Variants in MAPK10 observed in about 807,000 individuals in gnomAD.
The protein encoded by MAPK10 is mitogen-activated protein kinase 10.
A neutral mutation model predicts 59.3 loss-of-function variants in MAPK10; 25 were observed. The ratio of observed to expected loss-of-function variants is 0.42; its 90% CI spans 0.31 to 0.59. The LOEUF (loss-of-function observed/expected upper bound fraction) is 0.59. Ranked by LOEUF, MAPK10 falls within the 20% of genes least tolerant of loss-of-function variation. The probability of loss-of-function intolerance (pLI) is 0.15; values close to 1 mark genes in which losing one functional copy is unlikely to be tolerated. For synonymous variants in MAPK10, 190 were observed against 200.5 expected, an observed-to-expected ratio of 0.95 and a Z score of 0.44; for missense variants, 351 against 568.9, an observed-to-expected ratio of 0.62 and a Z score of 3.90.
chr4:86,242,465 G>T (rs372876266), intron 2 of MAPK10, among the ~76,000 whole-genome samples: 1 of 152,206 alleles, frequency 6.6e-6, no homozygotes, highest in Non-Finnish European at 1.5e-5. Context: ...GGCTAAGTCT[G>T]CTGCAGAGAC....
chr4:86,025,949 T>C (rs1427867196), intron 13 of MAPK10, among the ~76,000 whole-genome samples: 1 of 152,252 alleles, frequency 6.6e-6, no homozygotes, highest in Non-Finnish European at 1.5e-5. Context: ...GTGTCTTTTT[T>C]ATCTACATGA....
At chr4:86,350,608 C>T (rs1168512997) in intron 2 of MAPK10, among the ~76,000 whole-genome samples, 2 of 152,172 alleles carry the variant, frequency 1.3e-5, no homozygotes, top group Admixed American at 1.3e-4. Context: ...CTTGACCTCC[C>T]AAAGTGCTGG....
upstream of MAPK10, among the ~76,000 whole-genome samples, chr4:86,360,863 T>C (rs1392886277): frequency 1.3e-5 from 2 of 152,260 alleles, no homozygotes; most frequent in African/African-American, 4.8e-5. Flanking sequence ...CTACTTGCAC[T>C]ATAAAAAAAA....
intron 11 of MAPK10, among the ~76,000 whole-genome samples, chr4:86,048,945 T>G (rs1183849966): frequency 1.3e-5 from 2 of 152,100 alleles, no homozygotes; most frequent in Admixed American, 6.6e-5. Context: ...GGTTCTAGGT[T>G]AATGAAGTCT....
intron 1 of MAPK10, among the ~76,000 whole-genome samples, chr4:86,441,550 CT>C (rs753649667): frequency 5.9e-5 from 9 of 152,176 alleles, no homozygotes; most frequent in Non-Finnish European, 1.2e-4. Context: ...GTTCATATGA[CT>C]GTGTAGAATT....
chr4:86,417,964 C>T (rs903270371), intron 1 of MAPK10, among the ~76,000 whole-genome samples: 3 of 152,198 alleles, frequency 2.0e-5, no homozygotes, highest in African/African-American at 4.8e-5. Flanking sequence ...TTGTTTCAGA[C>T]GGCCTTCTTA....
chr4:86,104,138 T>A (rs546430332), intron 5 of MAPK10, among the ~76,000 whole-genome samples: 1 of 152,208 alleles, frequency 6.6e-6, no homozygotes. Context: ...ATAAATGATA[T>A]AAAGACATGT....
chr4:86,562,163 C>T (rs1578123379), intron 1 of MAPK10, among the ~76,000 whole-genome samples: 1 of 152,160 alleles, frequency 6.6e-6, no homozygotes, highest in East Asian at 1.9e-4. Flanking sequence ...CAAGACCAGC[C>T]TTGGCAACAT....
chr4:86,037,671 A>C (rs1006480894), intron 11 of MAPK10, among the ~76,000 whole-genome samples: 7 of 152,192 alleles, frequency 4.6e-5, no homozygotes, highest in Non-Finnish European at 7.3e-5. Flanking sequence ...TTTCAACAGC[A>C]TTATAGGATA....
At chr4:86,397,145 T>A (rs1382817524) in intron 1 of MAPK10, among the ~76,000 whole-genome samples, 1 of 152,060 alleles carries the variant, frequency 6.6e-6, no homozygotes, top group African/African-American at 2.4e-5. Context: ...TGGAAACAGA[T>A]CAGGAAAGAA....
intron 3 of MAPK10, among the ~76,000 whole-genome samples, chr4:86,174,285 A>T (rs1394206558): frequency 4.6e-5 from 7 of 152,266 alleles, no homozygotes; most frequent in African/African-American, 1.7e-4. Context: ...AATACTACGC[A>T]GTCGTAAAGA....
chr4:86,236,532 C>A (rs2148675024), intron 2 of MAPK10, among the ~76,000 whole-genome samples: 1 of 152,234 alleles, frequency 6.6e-6, no homozygotes, highest in Non-Finnish European at 1.5e-5. Flanking sequence ...CAAAACAAAC[C>A]ACAGAAGGGT....
intron 1 of MAPK10, among the ~76,000 whole-genome samples, chr4:86,366,104 T>A (rs1442625075): frequency 6.6e-6 from 1 of 152,138 alleles, no homozygotes; most frequent in African/African-American, 2.4e-5. Flanking sequence ...ACAATACAGA[T>A]GAATCTCGAA....
rs767900085 is a variant in MAPK10, at chr4:86,098,476, G to GGA, written c.802+46_802+47dup. 6 of 1,609,912 alleles carry GGA rather than the reference G, an allele frequency of 3.7e-6. No homozygotes were observed. The African/African-American group carries it at 8.0e-5, about 22-fold the overall frequency. On this transcript the variant is annotated intron_variant, in intron 9 of 13. Transcript: ENST00000641462. ...GGTAAAATCATTATGTGTTTAAAAGGGAGAGAGAACAAAACAGGTAAAGCT... is the reference window on the plus strand; with the variant it reads ...GGTAAAATCATTATGTGTTTAAAAGGGAGAGAGAGAACAAAACAGGTAAAGCT...
intron 1 of MAPK10, among the ~76,000 whole-genome samples, chr4:86,473,875 C>G (rs557337411): frequency 6.6e-6 from 1 of 152,100 alleles, no homozygotes; most frequent in Non-Finnish European, 1.5e-5. Flanking sequence ...TCTAGCTGGA[C>G]GCTGTGGTTC....
intron 1 of MAPK10, among the ~76,000 whole-genome samples, chr4:86,494,910 A>C (rs1448091577): frequency 6.7e-6 from 1 of 149,756 alleles, no homozygotes; most frequent in African/African-American, 2.5e-5. Flanking sequence ...TCAATAACTA[A>C]ATATTTGCTC....
chr4:86,019,151 C>T (rs1744948181), intron 13 of MAPK10, among the ~76,000 whole-genome samples: 1 of 152,100 alleles, frequency 6.6e-6, no homozygotes, highest in South Asian at 2.1e-4. Flanking sequence ...TGATATGCAC[C>T]GATCTTCAAA....
rs1580753874 is a variant in MAPK10, at chr4:86,125,791, T to A, written c.237-18439A>T. 3.3e-5 allele frequency: 5 copies of A among 152,142 alleles called. 1 individual carries two copies. Among genetic ancestry groups the A allele is most frequent in the Admixed American group, 3.3e-4 (5 of 15,246 alleles). 9.4% of individuals were successfully genotyped at this position (152,142 alleles called of 1,614,324 possible). ...CTAAGGAGTGAAAGAGTTTATTGAG[T>A]ATATTATGTTAACTTTATTTATGCC... On this transcript the variant is annotated intron_variant, in intron 4 of 13. Coordinates refer to ENST00000641462, the MANE Select transcript of MAPK10 (RefSeq NM_138982.4).
At chr4:86,552,752 G>T in intron 1 of MAPK10, among the ~76,000 whole-genome samples, 1 of 152,218 alleles carries the variant, frequency 6.6e-6, no homozygotes, top group African/African-American at 2.4e-5. Flanking sequence ...GGGCAGGTTT[G>T]TTTGCTGCCC....
Sources: allele counts gnomAD v4.1 joint callset (sites outside exome capture counted in the v4.1 genomes callset), GRCh38; gene constraint gnomAD v4.1.1; transcripts MANE v1.5; gene names NCBI Gene and HGNC (gene_info 2026-07-23, HGNC 2026-07-21).